SGO2: variants seen among roughly 807,000 people sequenced by gnomAD.
The protein encoded by SGO2 is shugoshin 2, also known as shugoshin-like 2.
Under a neutral mutation model 99.5 loss-of-function variants are expected in SGO2, and 68 were observed. The ratio of observed to expected loss-of-function variants is 0.68; its 90% CI spans 0.56 to 0.84. The LOEUF is 0.84. Ranked by LOEUF, SGO2 falls within the 40% of genes least tolerant of loss-of-function variation. SGO2 has a pLI of 0.00. For missense variants in SGO2, 1,350 were observed against 1,436.7 expected (o/e 0.94, Z 0.97); for synonymous variants, 457 against 487.1 (o/e 0.94, Z 0.81).
chr2:200,533,655 G>A (rs2031542271), intron 2 of SGO2, among the ~76,000 whole-genome samples: 1 of 151,724 alleles, frequency 6.6e-6, no homozygotes, highest in Non-Finnish European at 1.5e-5. Context: ...AAAAAAAGGA[G>A]GTGGGAAAAC....
intron 5 of SGO2, among the ~76,000 whole-genome samples, chr2:200,550,598 G>A (rs1291598207): frequency 1.3e-5 from 2 of 151,872 alleles, no homozygotes; most frequent in East Asian, 3.8e-4. Flanking sequence ...AAGGGATAGT[G>A]GTCAATAAAT....
intron 1 of SGO2, chr2:200,532,327 G>C (rs1039083813): frequency 2.5e-6 from 2 of 799,882 alleles, no homozygotes; most frequent in Non-Finnish European, 3.0e-6. Flanking sequence ...AGGCAAGGAG[G>C]CTTGGGAAGG....
At chr2:200,549,090 C>T (rs2032358076) in intron 5 of SGO2, among the ~76,000 whole-genome samples, 1 of 152,078 alleles carries the variant, frequency 6.6e-6, no homozygotes, top group South Asian at 2.1e-4. Flanking sequence ...GATCCAGTCC[C>T]TACAAAATAA....
chr2:200,537,484 G>A (rs761432157), intron 4 of SGO2, among the ~76,000 whole-genome samples: 5 of 152,052 alleles, frequency 3.3e-5, no homozygotes, highest in Non-Finnish European at 5.9e-5. Flanking sequence ...TGTCCATGTT[G>A]CGAAAACCCA....
intron 5 of SGO2, among the ~76,000 whole-genome samples, chr2:200,565,831 AC>A (rs1266867584): frequency 6.6e-6 from 1 of 152,108 alleles, no homozygotes; most frequent in Non-Finnish European, 1.5e-5. Flanking sequence ...AATCACTGAT[AC>A]CCTTTCTTCC....
At chr2:200,528,423 G>A (rs978472982) in intron 1 of SGO2, among the ~76,000 whole-genome samples, 3 of 152,188 alleles carry the variant, frequency 2.0e-5, no homozygotes, top group Non-Finnish European at 2.9e-5. Flanking sequence ...TGAAAGCTGG[G>A]TCAGCATAAT....
Position 200,570,558 on chromosome 2 carries a change from CATAT to C in SGO2, c.704-487_704-484del, listed in dbSNP as rs762310310. Among the ~76,000 whole-genome samples the C allele has an allele frequency of 7.2e-6, 1 of 139,760 alleles. No homozygotes were observed. The highest frequency in any genetic ancestry group is 2.6e-5 in the African/African-American group (1 of 38,568). 91.7% of individuals were successfully genotyped at this position (139,760 alleles called of 152,430 possible). The stretch of plus-strand genomic sequence containing the variant: ...ATATACACACACACATATATACACA[CATAT>C]ATATGGTATACATATAATGTATACA... On this transcript the variant is annotated intron_variant, in intron 6 of 8. Coordinates refer to ENST00000357799, the MANE Select transcript of SGO2 (RefSeq NM_152524.6). The surrounding 1 kb of genome is among the most constrained non-coding windows in gnomAD (Gnocchi z 4.4).
intron 2 of SGO2, among the ~76,000 whole-genome samples, chr2:200,534,415 A>G (rs1157603084): frequency 6.6e-6 from 1 of 152,218 alleles, no homozygotes; most frequent in African/African-American, 2.4e-5. Context: ...AATAAGAGGT[A>G]GAATCTTTTA....
intron 3 of SGO2, among the ~76,000 whole-genome samples, 184 bp downstream of exon 3, chr2:200,535,355 C>T (rs1465519746): frequency 1.3e-5 from 2 of 152,134 alleles, no homozygotes; most frequent in Non-Finnish European, 2.9e-5. Context: ...TGTTTTAAAT[C>T]TACATTCTAA....
At chr2:200,546,285 G>A (rs567358671) in intron 5 of SGO2, among the ~76,000 whole-genome samples, 43 of 149,836 alleles carry the variant, frequency 2.9e-4, no homozygotes, top group Middle Eastern at 3.5e-3. Flanking sequence ...CCCAGAAGGC[G>A]GAGCTTGCAG....
Position 200,571,238 on chromosome 2 carries a change from C to G in SGO2, c.892C>G (p.Gln298Glu). The G allele has an allele frequency of 6.2e-7, 1 of 1,613,428 alleles. No homozygotes were observed. The highest frequency in any genetic ancestry group is 2.2e-5 in the East Asian group (1 of 44,862). Residue 298 changes from glutamine (Q) to glutamate (E), a missense_variant, in exon 7 of 9, where the codon CAA (glutamine) becomes GAA (glutamate). Coordinates refer to ENST00000357799, the MANE Select transcript of SGO2 (RefSeq NM_152524.6). Reference protein sequence around the residue: ...DTPCATVLDKQHISSPELNCN... With the variant: ...DTPCATVLDKEHISSPELNCN... ...TCCCTGTGCAACAGTTTTAGATAAA[C>G]AACACATTTCAAGTCCAGAATTAAA...
At chr2:200,534,551 G>A (rs2031594663) in intron 2 of SGO2, among the ~76,000 whole-genome samples, 1 of 152,200 alleles carries the variant, frequency 6.6e-6, no homozygotes, top group Admixed American at 6.5e-5. Flanking sequence ...TTCTGGAGCT[G>A]TAGAAGCTGG....
chr2:200,569,699 T>G lies in SGO2; in HGVS notation c.510T>G (p.Asp170Glu), dbSNP rs747207761. 6 of 1,611,216 alleles carry G rather than the reference T, an allele frequency of 3.7e-6. No homozygotes were observed. The South Asian group carries it at 6.6e-5, about 18-fold the overall frequency. ...CTTCAAATGATGATGAAGATGAAGATAAAGAGAAAATGCAGTGTGACAACA... is the reference window on the plus strand; with the variant it reads ...CTTCAAATGATGATGAAGATGAAGAGAAAGAGAAAATGCAGTGTGACAACA... ...PLTSNDDEDE[D>E]KEKMQCDNNI... Residue 170 changes from aspartate to glutamate, a missense_variant, in exon 6 of 9, where the codon GAT becomes GAG. Physicochemically the swap from Asp to Glu is conservative, Grantham distance 45. Transcript: ENST00000357799.
Position 200,533,057 on chromosome 2 carries a change from A to G in SGO2, c.82A>G (p.Thr28Ala), listed in dbSNP as rs748533889. ...RHLKDKRISK[T>A]TKLNVSLASK... ...TTTGAAAGACAAAAGAATTTCAAAG[A>G]CTACTAAGTTGAATGTTTCTCTTGC... The change falls in exon 2 of 9, where the codon ACT becomes GCT. Residue 28 changes from threonine to alanine, a missense_variant. Thr to Ala is a moderately conservative substitution (Grantham distance 58). Transcript: ENST00000357799. 1 of 1,600,056 alleles carries G rather than the reference A, an allele frequency of 6.2e-7. No homozygotes were observed. The highest frequency in any genetic ancestry group is 2.2e-5 in the East Asian group (1 of 44,654).
intron 5 of SGO2, among the ~76,000 whole-genome samples, chr2:200,556,371 T>C (rs2032719025): frequency 6.6e-6 from 1 of 152,184 alleles, no homozygotes; most frequent in Non-Finnish European, 1.5e-5. Flanking sequence ...AGCCAATATT[T>C]CTCGCTTTTG....
At chr2:200,564,251 G>A (rs1574867748) in intron 5 of SGO2, among the ~76,000 whole-genome samples, 1 of 152,266 alleles carries the variant, frequency 6.6e-6, no homozygotes, top group South Asian at 2.1e-4. Context: ...AGAGATTCTG[G>A]TATGTTGTGC....
intron 5 of SGO2, among the ~76,000 whole-genome samples, chr2:200,566,876 C>T (rs986976665): frequency 4.6e-5 from 7 of 152,168 alleles, no homozygotes; most frequent in Non-Finnish European, 5.9e-5. Flanking sequence ...AGCCAGGCGC[C>T]GGATATAATC....
chr2:200,535,183 A>G lies in SGO2; in HGVS notation c.309+12A>G. 6.8e-7 allele frequency: 1 copy of G among 1,478,154 alleles called. No homozygotes were observed. The highest frequency in any genetic ancestry group is 8.9e-7 in the Non-Finnish European group (1 of 1,120,168). The allele number at this position is 1,478,154 out of a possible 1,614,324, so 91.6% of individuals were successfully genotyped here. A position where few individuals can be genotyped will look rare whatever the true frequency, so the allele number is the denominator to read the frequency against. ...AGCTAAATAACTTGGTATGTAAGCT[A>G]TATTGTTTTTGAATTCTAATTATAA... is the stretch of plus-strand genomic sequence containing the variant. On this transcript the variant is annotated intron_variant, in intron 3 of 8. Coordinates refer to ENST00000357799, the MANE Select transcript of SGO2 (RefSeq NM_152524.6).
At chr2:200,540,490 A>G (rs1052141626) in intron 4 of SGO2, among the ~76,000 whole-genome samples, 2 of 152,206 alleles carry the variant, frequency 1.3e-5, no homozygotes, top group Non-Finnish European at 2.9e-5. Flanking sequence ...GGCTGACACC[A>G]CTATGGCTGG....
Sources: gnomAD v4.1 joint callset for allele counts (sites outside exome capture counted in the v4.1 genomes callset) on GRCh38, gnomAD v4.1.1 for gene constraint, Gnocchi (gnomAD v3.1) non-coding constraint, MANE v1.5 for transcripts, NCBI Gene and HGNC (gene_info 2026-07-23, HGNC 2026-07-21) for gene names.